The following CELF5 variants were observed in gnomAD, a reference collection of about 807,000 sequenced individuals.
The protein encoded by CELF5 is CUGBP Elav-like family member 5, also known as CUG-BP and ETR-3 like factor 5.
A neutral mutation model predicts 54.9 loss-of-function variants in CELF5; 6 were observed. The ratio of observed to expected loss-of-function variants is 0.11; its 90% CI spans 0.06 to 0.22. The LOEUF is 0.22. Among genes scored for constraint, CELF5 ranks in the 10% least tolerant of loss-of-function variants. The pLI, the probability that CELF5 is intolerant of heterozygous loss-of-function variation, is 1.00. For synonymous variants in CELF5, 271 were observed against 290.9 expected (o/e 0.93, Z 0.70); for missense variants, 401 against 678.6 (o/e 0.59, Z 4.54).
intron 2 of CELF5, among the ~76,000 whole-genome samples, chr19:3,256,769 T>C (rs746345782): frequency 1.1e-4 from 17 of 151,996 alleles, no homozygotes; most frequent in Non-Finnish European, 1.6e-4. Flanking sequence ...GGTTTCACCA[T>C]GTTGACCAGG....
chr19:3,267,190 G>C (rs1460776577), intron 2 of CELF5, among the ~76,000 whole-genome samples: 1 of 152,066 alleles, frequency 6.6e-6, no homozygotes, highest in Non-Finnish European at 1.5e-5. Flanking sequence ...CAGGTCATTT[G>C]CTTGACTTTC....
chr19:3,285,579 C>T (rs936476573), intron 9 of CELF5, among the ~76,000 whole-genome samples: 1 of 149,228 alleles, frequency 6.7e-6, no homozygotes, highest in Non-Finnish European at 1.5e-5. Context: ...AATGGTCCCG[C>T]CCACTCTGGA....
intron 1 of CELF5, among the ~76,000 whole-genome samples, chr19:3,227,793 C>A (rs940668778): frequency 6.6e-6 from 1 of 152,070 alleles, no homozygotes; most frequent in African/African-American, 2.4e-5. Flanking sequence ...GCCCCCATTA[C>A]CCCCCCTGCC....
chr19:3,289,799 T>A (rs2080313680), intron 10 of CELF5, among the ~76,000 whole-genome samples: 1 of 149,078 alleles, frequency 6.7e-6, no homozygotes, highest in Non-Finnish European at 1.5e-5. Flanking sequence ...ATTGCAAAGA[T>A]ATTACCAAGT....
At chr19:3,274,035 A>G in intron 3 of CELF5, 112 bp downstream of exon 3, 1 of 1,086,324 alleles carries the variant, frequency 9.2e-7, no homozygotes, top group South Asian at 1.4e-5. Flanking sequence ...AGGCCTGTGG[A>G]TCTGGAACTG....
rs1203400602 is a variant in CELF5, at chr19:3,285,925, C to T, written c.1103-17C>T. 1.0e-5 allele frequency: 16 copies of T among 1,554,188 alleles called. No individual in the cohort carries two copies. The highest frequency in any genetic ancestry group is 1.3e-5 in the Non-Finnish European group (15 of 1,157,914). On this transcript the variant is annotated splice_polypyrimidine_tract_variant and intron_variant, in intron 9 of 12. Coordinates refer to ENST00000292672, the MANE Select transcript of CELF5 (RefSeq NM_021938.4). Reference sequence around the variant, plus strand: ...TCACGCCCCTCCTCGCCCTGTGTCTCGCTCCGGTCTCCGCAGCCATGTACC... The same window carrying T: ...TCACGCCCCTCCTCGCCCTGTGTCTTGCTCCGGTCTCCGCAGCCATGTACC...
chr19:3,244,822 G>T (rs549301088), intron 1 of CELF5, among the ~76,000 whole-genome samples: 1 of 148,050 alleles, frequency 6.8e-6, no homozygotes, highest in African/African-American at 2.5e-5. Context: ...ATATGTGTGC[G>T]TATGTGGTGT....
At chr19:3,225,535 T>C (rs1024526124) in intron 1 of CELF5, 64 of 966,518 alleles carry the variant, frequency 6.6e-5, no homozygotes, top group Non-Finnish European at 7.3e-5. Flanking sequence ...CGGACTCCAT[T>C]GCTTTGGTTA....
At chr19:3,233,677 G>A (rs1917379895) in intron 1 of CELF5, among the ~76,000 whole-genome samples, 1 of 152,176 alleles carries the variant, frequency 6.6e-6, no homozygotes, top group African/African-American at 2.4e-5. Flanking sequence ...AGTGAGGAGG[G>A]GGAGAGAGGG....
chr19:3,272,373 AAAAAAAG>A (rs1407737040), intron 2 of CELF5, among the ~76,000 whole-genome samples: 3 of 152,090 alleles, frequency 2.0e-5, no homozygotes, highest in African/African-American at 4.8e-5. Flanking sequence ...GTCCCAAGAA[AAAAAAAG>A]AAAAAAAGAA....
intron 10 of CELF5, 26 bp downstream of exon 10, chr19:3,286,051 G>T (rs771490739): frequency 6.5e-7 from 1 of 1,535,468 alleles, no homozygotes; most frequent in South Asian, 1.2e-5. Context: ...CCTCCCCTGG[G>T]CGCCAGCCCC....
chr19:3,251,974 C>T (rs2079657605), intron 2 of CELF5, among the ~76,000 whole-genome samples: 1 of 151,776 alleles, frequency 6.6e-6, no homozygotes, highest in Non-Finnish European at 1.5e-5. Flanking sequence ...CAGGCCCGGC[C>T]AACACAGGGG....
intron 2 of CELF5, among the ~76,000 whole-genome samples, chr19:3,263,246 C>CCA (rs2079831212): frequency 8.9e-5 from 4 of 45,072 alleles, no homozygotes; most frequent in African/African-American, 3.3e-4. Context: ...GATTCTGTCT[C>CCA]AAAAAAAAAA....
Position 3,281,086 on chromosome 19 carries a change from C to A in CELF5, c.604-113C>A. 7.8e-7 allele frequency: 1 copy of A among 1,282,754 alleles called. No homozygotes were observed. Among genetic ancestry groups the A allele is most frequent in the Non-Finnish European group, 1.1e-6 (1 of 918,406 alleles). The allele number at this position is 1,282,754 out of a possible 1,614,324, so 79.5% of individuals were successfully genotyped here. ...GGGGCCCGTGGACATGGCTGACAGC[C>A]ACTGGCATTACACCCCTCACCCAGG... On this transcript the variant is annotated intron_variant, in intron 5 of 12. Transcript: ENST00000292672. This position sits in a 1 kb window ranked among gnomAD's most constrained non-coding sequence, Gnocchi z 6.5.
At chr19:3,238,425 G>T (rs1338231021) in intron 1 of CELF5, among the ~76,000 whole-genome samples, 1 of 152,136 alleles carries the variant, frequency 6.6e-6, no homozygotes, top group African/African-American at 2.4e-5. Flanking sequence ...TGTAACAAAT[G>T]ACCACAAACT....
intron 5 of CELF5, among the ~76,000 whole-genome samples, chr19:3,280,204 C>T (rs1440614655): frequency 1.3e-5 from 2 of 152,100 alleles, no homozygotes; most frequent in East Asian, 3.9e-4. Context: ...AGCAGGGCCC[C>T]CAGTCCCCAC....
intron 9 of CELF5, among the ~76,000 whole-genome samples, chr19:3,285,680 C>CATCT (rs2080232915): frequency 8.7e-6 from 1 of 115,384 alleles, no homozygotes; most frequent in Non-Finnish European, 2.0e-5. Context: ...CCCCCCCTTC[C>CATCT]CCGCCCCGTC....
At chr19:3,267,274 AAG>A (rs2079896642) in intron 2 of CELF5, among the ~76,000 whole-genome samples, 1 of 142,422 alleles carries the variant, frequency 7.0e-6, no homozygotes, top group South Asian at 2.3e-4. Flanking sequence ...CTGCTTTCTG[AAG>A]AGAGGGCAAC....
intron 2 of CELF5, among the ~76,000 whole-genome samples, chr19:3,271,186 G>A (rs1408191313): frequency 1.3e-5 from 2 of 150,536 alleles, no homozygotes; most frequent in African/African-American, 2.4e-5. Context: ...GCCAACGGAG[G>A]TGGGGTGGGA....
Sources: allele counts gnomAD v4.1 joint callset (sites outside exome capture counted in the v4.1 genomes callset), GRCh38; gene constraint gnomAD v4.1.1; non-coding constraint Gnocchi (gnomAD v3.1); transcripts MANE v1.5; gene names NCBI Gene and HGNC (gene_info 2026-07-23, HGNC 2026-07-21).